The following MACROD1 variants were observed in gnomAD, a reference collection of about 807,000 sequenced individuals.
MACROD1 encodes the protein ADP-ribose glycohydrolase MACROD1.
MACROD1 carries 31 observed loss-of-function variants against 41.4 expected under a neutral mutation model. The ratio of observed to expected loss-of-function variants is 0.75; its 90% CI spans 0.56 to 1.01. The LOEUF is 1.01. Ranked by LOEUF, MACROD1 falls within the 50% of genes least tolerant of loss-of-function variation. The probability of loss-of-function intolerance (pLI) is 0.00; values close to 1 mark genes in which losing one functional copy is unlikely to be tolerated. For missense variants in MACROD1, 473 were observed against 460.0 expected (o/e 1.03, Z -0.26); for synonymous variants, 252 against 203.4 (o/e 1.24, Z -2.03).
intron 3 of MACROD1, among the ~76,000 whole-genome samples, chr11:64,085,545 C>A (rs1944378668): frequency 6.6e-6 from 1 of 152,208 alleles, no homozygotes; most frequent in African/African-American, 2.4e-5. Flanking sequence ...CATAAATCTT[C>A]CACTAAGTAC....
rs1295348285 is a variant in MACROD1, at chr11:64,096,339, T to C, written c.517+54900A>G. On this transcript the variant is annotated intron_variant, in intron 3 of 10. Coordinates refer to ENST00000255681, the MANE Select transcript of MACROD1 (RefSeq NM_014067.4). This position sits in a 1 kb window ranked among gnomAD's most constrained non-coding sequence, Gnocchi z 4.6. ...CGAGCTTCCTCTAGGCTGGACACGG[T>C]CCCTAATGGGCACGGGCGACGCATT... 1.3e-5 allele frequency among the ~76,000 whole-genome samples: 2 copies of C among 151,834 alleles called. No individual in the cohort carries two copies. Among genetic ancestry groups the C allele is most frequent in the Non-Finnish European group, 2.9e-5 (2 of 67,992 alleles).
intron 3 of MACROD1, among the ~76,000 whole-genome samples, chr11:64,141,885 T>G (rs940511165): frequency 1.5e-4 from 23 of 152,172 alleles, no homozygotes; most frequent in African/African-American, 4.8e-4. Context: ...GGGTTTGTAG[T>G]TCTGCTTTGC....
chr11:64,080,622 T>C (rs1483592208), intron 3 of MACROD1, among the ~76,000 whole-genome samples: 2 of 152,150 alleles, frequency 1.3e-5, no homozygotes, highest in African/African-American at 4.8e-5. Flanking sequence ...GAGGGTTACG[T>C]TTATGATACA....
rs182703606 is a variant in MACROD1, at chr11:64,024,749, G to A, written c.518-9468C>T. ...CAGAGAAGATGAGGGAGGAGTTGGG[G>A]GGCCTTAGGACGGCCATGGACCCCT... On this transcript the variant is annotated intron_variant, in intron 3 of 10. Transcript: ENST00000255681. 3.2e-4 allele frequency among the ~76,000 whole-genome samples: 48 copies of A among 152,248 alleles called. 2 individuals carry two copies. The East Asian group carries it at 9.1e-3, about 29-fold the overall frequency.
chr11:64,114,260 A>G (rs1944926472), intron 3 of MACROD1, among the ~76,000 whole-genome samples: 1 of 149,862 alleles, frequency 6.7e-6, no homozygotes. Flanking sequence ...GGTTAGGTGG[A>G]TGGATGGATG....
intron 3 of MACROD1, among the ~76,000 whole-genome samples, chr11:64,068,827 G>A (rs541931418): frequency 5.9e-5 from 9 of 152,348 alleles, no homozygotes; most frequent in Non-Finnish European, 1.3e-4. Context: ...CTGTGTCACT[G>A]AGCAGCCCTC....
intron 3 of MACROD1, among the ~76,000 whole-genome samples, chr11:64,083,331 G>C (rs1265272929): frequency 6.6e-6 from 1 of 152,186 alleles, no homozygotes; most frequent in Non-Finnish European, 1.5e-5. Flanking sequence ...AGCTACTCCA[G>C]AGGCTGAGGC....
In MACROD1 at chr11:64,151,090, C is replaced by G. The variant is rs1029660176; in HGVS notation, c.517+149G>C. On this transcript the variant is annotated intron_variant, in intron 3 of 10. Transcript: ENST00000255681. Reference sequence around the variant, plus strand: ...GGAAGAGGAGCCCGAGTGGCCGACACGTTGGGCTGCCATGGCGCCAGCAGG... The same window carrying G: ...GGAAGAGGAGCCCGAGTGGCCGACAGGTTGGGCTGCCATGGCGCCAGCAGG... 1.1e-5 allele frequency: 7 copies of G among 657,524 alleles called. No homozygotes were observed. In the African/African-American group the frequency reaches 1.3e-4, roughly 12 times the overall value. 40.7% of individuals were successfully genotyped at this position (657,524 alleles called of 1,614,324 possible).
chr11:64,004,981 C>G (rs1942885989), intron 4 of MACROD1, among the ~76,000 whole-genome samples: 2 of 147,396 alleles, frequency 1.4e-5, no homozygotes, highest in Non-Finnish European at 3.0e-5. Flanking sequence ...GCAACCTGTC[C>G]AAGGCCCCAC....
At position 64,105,192 on chromosome 11, in the gene MACROD1, G is replaced by A. The variant is rs964946559; in HGVS notation, c.517+46047C>T. On this transcript the variant is annotated intron_variant, in intron 3 of 10. Transcript: ENST00000255681. ...AGTGCGCCAGCCCGACAGCGGGGCCGCGAGCGTGCCTGAGCCGGAGCTGGG... is the reference window on the plus strand; with the variant it reads ...AGTGCGCCAGCCCGACAGCGGGGCCACGAGCGTGCCTGAGCCGGAGCTGGG... Among the ~76,000 whole-genome samples the A allele has an allele frequency of 3.3e-5, 5 of 152,342 alleles. No individual in the cohort carries two copies. The South Asian group carries it at 8.3e-4, about 25-fold the overall frequency.
chr11:64,081,115 A>G (rs2701544), intron 3 of MACROD1, among the ~76,000 whole-genome samples: 144,264 of 152,254 alleles, frequency 0.95, 68,854 homozygotes, highest in East Asian at 1. Context: ...TCCACCTCCC[A>G]GGTTCAGACA....
chr11:64,125,417 CACA>C (rs1945162884), intron 3 of MACROD1, among the ~76,000 whole-genome samples: 1 of 152,210 alleles, frequency 6.6e-6, no homozygotes, highest in Non-Finnish European at 1.5e-5. Context: ...GTGCCTGGCA[CACA>C]GGGGTACTCA....
intron 3 of MACROD1, among the ~76,000 whole-genome samples, chr11:64,045,426 C>T (rs371845021): frequency 2.6e-5 from 4 of 152,170 alleles, no homozygotes; most frequent in Admixed American, 6.5e-5. Flanking sequence ...GGGTGAAGAG[C>T]GCAGGAGAGA....
chr11:64,133,089 C>T (rs916773320), intron 3 of MACROD1, among the ~76,000 whole-genome samples: 2 of 152,112 alleles, frequency 1.3e-5, no homozygotes, highest in East Asian at 3.9e-4. Flanking sequence ...GGGAACTAGA[C>T]CTCCCCAGGA....
chr11:64,039,333 C>T (rs929414258), intron 3 of MACROD1, among the ~76,000 whole-genome samples: 4 of 152,098 alleles, frequency 2.6e-5, no homozygotes, highest in African/African-American at 7.2e-5. Flanking sequence ...CAGAGGAGAG[C>T]GCCAGCCTCT....
chr11:64,056,328 C>T (rs556914864), intron 3 of MACROD1, among the ~76,000 whole-genome samples: 3 of 152,224 alleles, frequency 2.0e-5, no homozygotes, highest in South Asian at 4.1e-4. Flanking sequence ...CTGCTCCTCC[C>T]GCTACCCCGC....
chr11:64,139,352 G>A (rs372833847), intron 3 of MACROD1, among the ~76,000 whole-genome samples: 6 of 152,294 alleles, frequency 3.9e-5, no homozygotes, highest in Non-Finnish European at 7.4e-5. Flanking sequence ...CCACACAGCC[G>A]TGCCCACCAG....
intron 1 of MACROD1, among the ~76,000 whole-genome samples, chr11:64,157,909 G>T (rs1018094784): frequency 6.6e-6 from 1 of 152,156 alleles, no homozygotes; most frequent in African/African-American, 2.4e-5. Context: ...GCAAGAACAG[G>T]GTCTTGTCAA....
chr11:64,133,389 C>G (rs1008043964), intron 3 of MACROD1, among the ~76,000 whole-genome samples: 1 of 152,160 alleles, frequency 6.6e-6, no homozygotes. Flanking sequence ...GCTGGGGATC[C>G]CAGGCTGGAG....
Sources: gnomAD v4.1 joint callset for allele counts (sites outside exome capture counted in the v4.1 genomes callset) on GRCh38, gnomAD v4.1.1 for gene constraint, Gnocchi (gnomAD v3.1) non-coding constraint, MANE v1.5 for transcripts, NCBI Gene and HGNC (gene_info 2026-07-23, HGNC 2026-07-21) for gene names.